CAVIN4: variants seen among roughly 807,000 people sequenced by gnomAD.
CAVIN4 encodes caveolae-associated protein 4.
Under a neutral mutation model 18.6 loss-of-function variants are expected in CAVIN4, and 10 were observed. The ratio of observed to expected loss-of-function variants is 0.54; its 90% CI spans 0.33 to 0.91. The LOEUF is 0.91. Among genes scored for constraint, CAVIN4 ranks in the 40% least tolerant of loss-of-function variants. The probability of loss-of-function intolerance (pLI) is 0.02; values close to 1 mark genes in which losing one functional copy is unlikely to be tolerated. For missense variants in CAVIN4, 459 were observed against 440.5 expected (o/e 1.04, Z -0.38); for synonymous variants, 173 against 164.8 (o/e 1.05, Z -0.38).
At chr9:100,580,860 C>G (rs1839419071) in intron 1 of CAVIN4, among the ~76,000 whole-genome samples, 1 of 152,182 alleles carries the variant, frequency 6.6e-6, no homozygotes, top group African/African-American at 2.4e-5. Context: ...ACATAGAACT[C>G]TGATTCAAAG....
At position 100,586,001 on chromosome 9, in the gene CAVIN4, C is replaced by T. The variant is rs1839472184; in HGVS notation, c.645C>T (p.Asp215=). The T allele has an allele frequency of 2.5e-6, 4 of 1,613,894 alleles. No homozygotes were observed. Residue 215 remains aspartate (D), a synonymous_variant, in exon 2 of 2, where the codon GAC becomes GAT. Transcript: ENST00000307584. ...ENMQKTRQNL[D]KKVNRIRTRI... is the part of the protein sequence containing the mutation. ...TGCAGAAGACACGGCAGAATCTTGA[C>T]AAGAAAGTGAACAGAATTAGAACTA...
chr9:100,586,683 A>G lies in CAVIN4; in HGVS notation c.*232A>G. ...GAAAAATAGTTTCCTAGGTTGGGCC[A>G]GTTACGTGTTTGGTAAGGGCAACTT... is the stretch of plus-strand genomic sequence containing the variant. On this transcript the variant is annotated 3_prime_UTR_variant, in exon 2 of 2. Transcript: ENST00000307584. The G allele has an allele frequency of 2.8e-6, 1 of 355,854 alleles. No homozygotes were observed. The highest frequency in any genetic ancestry group is 5.0e-6 in the Non-Finnish European group (1 of 198,450). The allele number at this position is 355,854 out of a possible 1,614,324, so 22.0% of individuals were successfully genotyped here. A position where few individuals can be genotyped will look rare whatever the true frequency, so the allele number is the denominator to read the frequency against.
At chr9:100,579,300 T>C (rs922789207) in intron 1 of CAVIN4, among the ~76,000 whole-genome samples, 3 of 152,160 alleles carry the variant, frequency 2.0e-5, no homozygotes, top group African/African-American at 7.2e-5. Flanking sequence ...TTATGGCAAA[T>C]GCATAATATC....
chr9:100,586,357 TC>T lies in CAVIN4; in HGVS notation c.1005del (p.Thr336ProfsTer5). ...PVYPPHEGRE[I>X]PTPEPLKVTF... is the part of the protein sequence containing the mutation. ...TATCCTCCCCATGAAGGAAGGGAAA[TC>T]CCCACCCCCGAGCCTTTAAAAGTTA... On this transcript the variant is annotated frameshift_variant, in exon 2 of 2. Coordinates refer to ENST00000307584, the MANE Select transcript of CAVIN4 (RefSeq NM_001018116.2). 6.2e-7 allele frequency: 1 copy of T among 1,613,238 alleles called. No homozygotes were observed. The highest frequency in any genetic ancestry group is 8.5e-7 in the Non-Finnish European group (1 of 1,179,794).
intron 1 of CAVIN4, among the ~76,000 whole-genome samples, chr9:100,581,757 A>G (rs1348921951): frequency 6.6e-6 from 1 of 152,080 alleles, no homozygotes; most frequent in Admixed American, 6.5e-5. Context: ...TTTTTCCCCT[A>G]TCTAACAGTA....
chr9:100,582,316 T>G (rs984074121), intron 1 of CAVIN4, among the ~76,000 whole-genome samples: 2 of 150,820 alleles, frequency 1.3e-5, no homozygotes, highest in African/African-American at 4.9e-5. Context: ...TTTTGACACA[T>G]TTGACACGAT....
intron 1 of CAVIN4, among the ~76,000 whole-genome samples, chr9:100,583,544 C>T (rs1839447775): frequency 6.6e-6 from 1 of 152,208 alleles, no homozygotes; most frequent in African/African-American, 2.4e-5. Context: ...CTTGCCCCTA[C>T]ACCCTGTTTT....
intron 1 of CAVIN4, among the ~76,000 whole-genome samples, chr9:100,582,336 T>TTCTCTC (rs368359220): frequency 3.2e-4 from 46 of 145,542 alleles, no homozygotes; most frequent in African/African-American, 1.1e-3. Context: ...TTGGACCTCT[T>TTCTCTC]TCTCTCTCTC....
intron 1 of CAVIN4, among the ~76,000 whole-genome samples, chr9:100,583,228 C>T (rs1411440955): frequency 6.6e-6 from 1 of 152,174 alleles, no homozygotes; most frequent in East Asian, 1.9e-4. Context: ...AGTGCCTCTG[C>T]CTGCATGGCT....
intron 1 of CAVIN4, among the ~76,000 whole-genome samples, chr9:100,583,789 G>T (rs1243224421): frequency 2.0e-5 from 3 of 152,160 alleles, no homozygotes; most frequent in African/African-American, 7.2e-5. Context: ...TGGGATTACA[G>T]GCATGTCCCA....
In CAVIN4 at chr9:100,587,296, G is replaced by T. The variant is rs1444034164; in HGVS notation, c.*845G>T. 6.6e-6 allele frequency: 1 copy of T among 152,158 alleles called. No individual in the cohort carries two copies. Among genetic ancestry groups the T allele is most frequent in the Non-Finnish European group, 1.5e-5 (1 of 68,040 alleles). 9.4% of individuals were successfully genotyped at this position (152,158 alleles called of 1,614,324 possible). ...TAGTTGGGTCTCAAAATGTTCCCCA[G>T]CCAGACCCTTTCTAATTTCCTTTTG... On this transcript the variant is annotated 3_prime_UTR_variant, in exon 2 of 2. Coordinates refer to ENST00000307584, the MANE Select transcript of CAVIN4 (RefSeq NM_001018116.2).
At chr9:100,585,693 G>C (rs1188121175) in intron 1 of CAVIN4, 72 bp from the exon 2 acceptor site, 3 of 1,183,084 alleles carry the variant, frequency 2.5e-6, no homozygotes, top group Non-Finnish European at 3.7e-6. Context: ...TACAAGGCAT[G>C]GCCAGAAGGT....
At chr9:100,585,664 T>A in intron 1 of CAVIN4, 101 bp from the exon 2 acceptor site, 1 of 899,582 alleles carries the variant, frequency 1.1e-6, no homozygotes, top group South Asian at 1.4e-5. Flanking sequence ...AGGCAGAGGA[T>A]AAACAGCCCA....
rs763489899 is a variant in CAVIN4 at position 100,586,491 on chromosome 9, A to T, written c.*40A>T. ...TATCCTAAATATGAATCTCCTAATCATGCAGTTTTAGTTTGAATAGTGTAG... is the reference window on the plus strand; with the variant it reads ...TATCCTAAATATGAATCTCCTAATCTTGCAGTTTTAGTTTGAATAGTGTAG... On this transcript the variant is annotated 3_prime_UTR_variant, in exon 2 of 2. Transcript: ENST00000307584. 1.9e-6 allele frequency: 3 copies of T among 1,550,560 alleles called. No individual in the cohort carries two copies. The highest frequency in any genetic ancestry group is 8.8e-7 in the Non-Finnish European group (1 of 1,130,480).
rs866752483 is a variant in CAVIN4 at position 100,578,525 on chromosome 9, A to C, written c.382A>C (p.Asn128His). Residue 128 changes from asparagine (N) to histidine (H), a missense_variant, in exon 1 of 2, where the codon AAC (asparagine) becomes CAC (histidine). Physicochemically the swap from Asn to His is moderately conservative, Grantham distance 68. Transcript: ENST00000307584. The stretch of plus-strand genomic sequence containing the variant: ...CAAGCAAGAGGAAATAATGAAGAAA[A>C]ACAAATTCCGCGTGGTAATATTCCA... Reference protein sequence around the residue: ...EVKQEEIMKKNKFRVVIFQEK... With the variant: ...EVKQEEIMKKHKFRVVIFQEK... 4 of 1,613,504 alleles carry C rather than the reference A, an allele frequency of 2.5e-6. No homozygotes were observed. The highest frequency in any genetic ancestry group is 4.5e-5 in the East Asian group (2 of 44,878).
At chr9:100,583,170 C>A (rs1587867291) in intron 1 of CAVIN4, among the ~76,000 whole-genome samples, 1 of 152,094 alleles carries the variant, frequency 6.6e-6, no homozygotes, top group East Asian at 1.9e-4. Context: ...GGTGTCTAGC[C>A]CAGCCCTCTC....
upstream of CAVIN4, chr9:100,577,494 G>A (rs41274969): frequency 6.6e-6 from 1 of 152,536 alleles, no homozygotes; most frequent in East Asian, 1.9e-4. Context: ...AAGATCTGAA[G>A]TGTGAGTAGA....
At position 100,585,940 on chromosome 9, in the gene CAVIN4, T is replaced by C. The variant is rs1369966733; in HGVS notation, c.584T>C (p.Ile195Thr). 2.5e-6 allele frequency: 4 copies of C among 1,614,136 alleles called. No individual in the cohort carries two copies. Among genetic ancestry groups the C allele is most frequent in the East Asian group, 2.2e-5 (1 of 44,870 alleles). ...ARLRKSGKEH[I>T]DNIKKAFSKE... ...CTTAGGAAGTCAGGCAAGGAGCACA[T>C]TGATAATATCAAGAAGGCATTTTCC... The change falls in exon 2 of 2, where the codon ATT (isoleucine) becomes ACT (threonine). Residue 195 changes from isoleucine (I) to threonine (T), a missense_variant. Ile to Thr is a moderately conservative substitution (Grantham distance 89). Coordinates refer to ENST00000307584, the MANE Select transcript of CAVIN4 (RefSeq NM_001018116.2).
At chr9:100,585,449 A>T (rs1839465985) in intron 1 of CAVIN4, among the ~76,000 whole-genome samples, 1 of 152,188 alleles carries the variant, frequency 6.6e-6, no homozygotes, top group Non-Finnish European at 1.5e-5. Context: ...GTGTAACCTC[A>T]AACTGTGGAG....
Sources: gnomAD v4.1 joint callset for allele counts (sites outside exome capture counted in the v4.1 genomes callset) on GRCh38, gnomAD v4.1.1 for gene constraint, MANE v1.5 for transcripts, NCBI Gene and HGNC (gene_info 2026-07-23, HGNC 2026-07-21) for gene names.